Variants in NTF3 observed in about 807,000 individuals in gnomAD.
The protein encoded by NTF3 is neurotrophin 3, also known as neurotrophin-3.
NTF3 carries 8 observed loss-of-function variants against 26.3 expected under a neutral mutation model. The observed-to-expected ratio is 0.30, with a 90% CI of 0.18 to 0.55. The LOEUF is 0.55. Ranked by LOEUF, NTF3 falls within the 20% of genes least tolerant of loss-of-function variation. The pLI, the probability that NTF3 is intolerant of heterozygous loss-of-function variation, is 0.93. For synonymous variants in NTF3, 154 were observed against 145.5 expected, an observed-to-expected ratio of 1.06 and a Z score of -0.42; for missense variants, 276 against 352.9, an observed-to-expected ratio of 0.78 and a Z score of 1.75.
At position 5,486,199 on chromosome 12, in the gene NTF3, A is replaced by G. The variant is rs573489789; in HGVS notation, c.19-7995A>G. 2.0e-5 allele frequency among the ~76,000 whole-genome samples: 3 copies of G among 152,352 alleles called. No individual in the cohort carries two copies. The South Asian group carries it at 6.2e-4, about 32-fold the overall frequency. On this transcript the variant is annotated intron_variant, in intron 1 of 1. Transcript: ENST00000423158. ...CATCTGACCACACTTTCTGCAGCCA[A>G]GTCCTCTGGGGGCCAAATCAGTATG...
rs1293164852 is a variant in NTF3, at chr12:5,494,756, C to T, written c.581C>T (p.Thr194Met). The change falls in exon 2 of 2, where the codon ACG becomes ATG. Residue 194 changes from threonine (T) to methionine (M), a missense_variant. Thr to Met is a moderately conservative substitution (Grantham distance 81). Coordinates refer to ENST00000423158, the MANE Select transcript of NTF3 (RefSeq NM_001102654.2). The surrounding 1 kb of genome is among the most constrained non-coding windows in gnomAD (Gnocchi z 8.3). ...GTCACGGTGCTGGGGGAGATCAAAA[C>T]GGGCAACTCTCCCGTCAAACAATAT... ...HQVTVLGEIKTGNSPVKQYFY... is the reference protein window; with the variant it reads ...HQVTVLGEIKMGNSPVKQYFY... 6 of 1,614,008 alleles carry T rather than the reference C, an allele frequency of 3.7e-6. No individual in the cohort carries two copies. The Admixed American group carries it at 8.3e-5, about 22-fold the overall frequency.
chr12:5,491,280 G>A (rs1339227653), intron 1 of NTF3, among the ~76,000 whole-genome samples: 1 of 152,286 alleles, frequency 6.6e-6, no homozygotes, highest in East Asian at 1.9e-4. Context: ...TGCTCTCTAC[G>A]AGAAAAGCTA....
Position 5,494,403 on chromosome 12 carries a change from G to T in NTF3, c.228G>T (p.Leu76=). The T allele has an allele frequency of 1.2e-6, 2 of 1,613,726 alleles. No homozygotes were observed. Among genetic ancestry groups the T allele is most frequent in the Non-Finnish European group, 8.5e-7 (1 of 1,180,008 alleles). Residue 76 remains leucine, a synonymous_variant, in exon 2 of 2, where the codon CTG becomes CTT. Transcript: ENST00000423158. This position sits in a 1 kb window ranked among gnomAD's most constrained non-coding sequence, Gnocchi z 8.3. The part of the protein sequence containing the change: ...VDVKENYQST[L]PKAEAPREPE... Reference sequence around the variant, plus strand: ...TTAAGGAAAATTACCAGAGCACCCTGCCCAAAGCTGAGGCTCCCCGAGAGC... The same window carrying T: ...TTAAGGAAAATTACCAGAGCACCCTTCCCAAAGCTGAGGCTCCCCGAGAGC...
At chr12:5,481,778 C>T (rs1172311053) in intron 1 of NTF3, among the ~76,000 whole-genome samples, 2 of 143,032 alleles carry the variant, frequency 1.4e-5, no homozygotes, top group Non-Finnish European at 3.1e-5. Context: ...GAGACACACT[C>T]ACACCTAGAC....
rs76507722 is a variant in NTF3, at chr12:5,462,027, G to A, written c.18+29685G>A. Among the ~76,000 whole-genome samples, 36 of 152,278 alleles carry A rather than the reference G, an allele frequency of 2.4e-4. No homozygotes were observed. The East Asian group carries it at 4.3e-3, about 18-fold the overall frequency. On this transcript the variant is annotated intron_variant, in intron 1 of 1. Coordinates refer to ENST00000423158, the MANE Select transcript of NTF3 (RefSeq NM_001102654.2). ...TTGTGGTAAAATGTTGTCACAGGAC[G>A]GCCTGTTCTTTCATTGAATTATGTC...
At chr12:5,460,898 C>T (rs1940516376) in intron 1 of NTF3, among the ~76,000 whole-genome samples, 1 of 152,212 alleles carries the variant, frequency 6.6e-6, no homozygotes, top group Non-Finnish European at 1.5e-5. Flanking sequence ...CACACACACA[C>T]ATTCGCATTT....
In NTF3 at chr12:5,432,329, T is replaced by G. The variant is rs1367496450; in HGVS notation, c.5T>G (p.Val2Gly). 1 of 1,613,050 alleles carries G rather than the reference T, an allele frequency of 6.2e-7. No homozygotes were observed. The highest frequency in any genetic ancestry group is 8.5e-7 in the Non-Finnish European group (1 of 1,179,752). Residue 2 changes from valine (V) to glycine (G), a missense_variant, in exon 1 of 2, where the codon GTT (valine) becomes GGT (glycine). By Grantham distance (109) the Val-to-Gly change is moderately radical. Transcript: ENST00000423158. ...GGAAACGGCCACACGGATGCCATGG[T>G]TACTTTTGCCACGGTAAGGGGAGGC... M[V>G]TFATILQVNK...
intron 1 of NTF3, among the ~76,000 whole-genome samples, chr12:5,461,071 G>T (rs181102128): frequency 6.6e-6 from 1 of 152,164 alleles, no homozygotes; most frequent in East Asian, 1.9e-4. Flanking sequence ...GTGGGATTGG[G>T]GGGGAAGGTT....
chr12:5,432,837 T>G (rs1425360115), intron 1 of NTF3, among the ~76,000 whole-genome samples: 1 of 151,458 alleles, frequency 6.6e-6, no homozygotes, highest in African/African-American at 2.4e-5. Flanking sequence ...GCGCATCCTA[T>G]AACAAAAGGG....
chr12:5,440,868 G>A (rs1451466717), intron 1 of NTF3, among the ~76,000 whole-genome samples: 1 of 152,224 alleles, frequency 6.6e-6, no homozygotes, highest in Non-Finnish European at 1.5e-5. Context: ...AACCCTGCTG[G>A]CCTAGAGGAC....
intron 1 of NTF3, among the ~76,000 whole-genome samples, chr12:5,447,870 G>A (rs941163557): frequency 5.9e-5 from 9 of 152,168 alleles, no homozygotes; most frequent in African/African-American, 1.4e-4. Flanking sequence ...TTACAGCGCT[G>A]GCTTGAAAGA....
chr12:5,475,161 G>A (rs1451498081), intron 1 of NTF3, among the ~76,000 whole-genome samples: 1 of 152,158 alleles, frequency 6.6e-6, no homozygotes, highest in East Asian at 1.9e-4. Flanking sequence ...AGATGAGAAG[G>A]GAAAGCAGAA....
intron 1 of NTF3, among the ~76,000 whole-genome samples, chr12:5,460,591 A>G (rs973624702): frequency 3.9e-5 from 6 of 152,156 alleles, no homozygotes; most frequent in Non-Finnish European, 8.8e-5. Flanking sequence ...TTCTAGTTCT[A>G]TGTGTGCCAC....
At chr12:5,467,073 T>C (rs528819529) in intron 1 of NTF3, among the ~76,000 whole-genome samples, 1 of 151,488 alleles carries the variant, frequency 6.6e-6, no homozygotes, top group Admixed American at 6.6e-5. Flanking sequence ...CTACTAAAAA[T>C]ACAAAAATTA....
rs1048623267 is a variant in NTF3 at position 5,433,191 on chromosome 12, A to G, written c.18+849A>G. 6.6e-6 allele frequency: 1 copy of G among 152,168 alleles called. No individual in the cohort carries two copies. The highest frequency in any genetic ancestry group is 1.5e-5 in the Non-Finnish European group (1 of 68,052). 9.4% of individuals were successfully genotyped at this position (152,168 alleles called of 1,614,324 possible). A position where few individuals can be genotyped will look rare whatever the true frequency, so the allele number is the denominator to read the frequency against. On this transcript the variant is annotated intron_variant, in intron 1 of 1. Coordinates refer to ENST00000423158, the MANE Select transcript of NTF3 (RefSeq NM_001102654.2). This position sits in a 1 kb window ranked among gnomAD's most constrained non-coding sequence, Gnocchi z 4.6. ...TTGGAGCTCCGTACGCAGCCCGCAC[A>G]TCTGGGACCCCTCCGGGGAGCGGCG...
At chr12:5,480,544 G>A (rs925425474) in intron 1 of NTF3, among the ~76,000 whole-genome samples, 7 of 152,128 alleles carry the variant, frequency 4.6e-5, no homozygotes, top group African/African-American at 1.4e-4. Flanking sequence ...TGGGGCACTC[G>A]GGAGGCGAAC....
chr12:5,480,682 G>C (rs1940779517), intron 1 of NTF3, among the ~76,000 whole-genome samples: 1 of 152,116 alleles, frequency 6.6e-6, no homozygotes, highest in Non-Finnish European at 1.5e-5. Context: ...GGGAGAGGCA[G>C]TGTGGGGAGA....
chr12:5,493,529 T>C (rs1449622619), intron 1 of NTF3, among the ~76,000 whole-genome samples: 5 of 152,112 alleles, frequency 3.3e-5, no homozygotes, highest in Admixed American at 3.3e-4. Context: ...CAGTTGGTGA[T>C]GCGTATGTAT....
chr12:5,454,589 G>A (rs1940414003), intron 1 of NTF3, among the ~76,000 whole-genome samples: 1 of 152,180 alleles, frequency 6.6e-6, no homozygotes, highest in Admixed American at 6.5e-5. Flanking sequence ...TTTGGGGTGA[G>A]GAGGCCTAGG....
Sources: gnomAD v4.1 joint callset for allele counts (sites outside exome capture counted in the v4.1 genomes callset) on GRCh38, gnomAD v4.1.1 for gene constraint, Gnocchi (gnomAD v3.1) non-coding constraint, MANE v1.5 for transcripts, NCBI Gene and HGNC (gene_info 2026-07-23, HGNC 2026-07-21) for gene names.